CEP112: variants seen among roughly 807,000 people sequenced by gnomAD.
CEP112 encodes centrosomal protein of 112 kDa.
Under a neutral mutation model 153.0 loss-of-function variants are expected in CEP112, and 127 were observed. The observed-to-expected ratio is 0.83, with a 90% CI of 0.72 to 0.96. CEP112 has a LOEUF of 0.96. CEP112 is among the 40% of genes least tolerant of loss of function. CEP112 has a pLI of 0.00. For synonymous variants in CEP112, 358 were observed against 374.4 expected (o/e 0.96, Z 0.51); for missense variants, 1,089 against 1,101.2 (o/e 0.99, Z 0.16).
At chr17:65,971,587 ACATG>A (rs2062822230) in intron 17 of CEP112, among the ~76,000 whole-genome samples, 1 of 151,026 alleles carries the variant, frequency 6.6e-6, no homozygotes, top group African/African-American at 2.5e-5. Flanking sequence ...CATGTATATT[ACATG>A]CATGCATATT....
intron 8 of CEP112, among the ~76,000 whole-genome samples, chr17:66,075,122 A>G (rs951563561): frequency 3.3e-5 from 5 of 152,138 alleles, no homozygotes; most frequent in African/African-American, 1.2e-4. Context: ...TACTAGAAAT[A>G]GTATGTGAGC....
intron 20 of CEP112, among the ~76,000 whole-genome samples, chr17:65,898,249 A>G (rs2059723552): frequency 6.6e-6 from 1 of 152,150 alleles, no homozygotes; most frequent in Non-Finnish European, 1.5e-5. Flanking sequence ...CAGACTATAC[A>G]TATTGTTAAA....
At chr17:66,023,994 G>A (rs2065100028) in intron 16 of CEP112, among the ~76,000 whole-genome samples, 1 of 152,098 alleles carries the variant, frequency 6.6e-6, no homozygotes, top group Non-Finnish European at 1.5e-5. Flanking sequence ...TTTACTCCAG[G>A]GAGGCAAGGA....
intron 4 of CEP112, among the ~76,000 whole-genome samples, chr17:66,152,953 G>C (rs1169372263): frequency 3.9e-5 from 6 of 152,208 alleles, no homozygotes; most frequent in Non-Finnish European, 7.4e-5. Context: ...TTAGTCACTG[G>C]GGGAATGCAA....
At chr17:66,122,584 G>A (rs1009578459) in intron 6 of CEP112, among the ~76,000 whole-genome samples, 1 of 152,186 alleles carries the variant, frequency 6.6e-6, no homozygotes, top group Admixed American at 6.5e-5. Context: ...CACCTGTGAT[G>A]ACAGTGGATT....
At chr17:66,168,419 GTGTGTA>G (rs1340269459) in intron 4 of CEP112, among the ~76,000 whole-genome samples, 6 of 143,682 alleles carry the variant, frequency 4.2e-5, no homozygotes, top group Non-Finnish European at 7.9e-5. Flanking sequence ...ATGTGTGTGT[GTGTGTA>G]TATATATGTA....
At chr17:65,744,235 TTTTGTTTGTTTG>T (rs71160503) in intron 22 of CEP112, among the ~76,000 whole-genome samples, 49 of 149,540 alleles carry the variant, frequency 3.3e-4, no homozygotes, top group African/African-American at 6.4e-4. Context: ...TTTTTGTGTT[TTTTGTTTGTTTG>T]TTTGTTTGTT....
chr17:65,937,069 C>T (rs957889588), intron 18 of CEP112, among the ~76,000 whole-genome samples: 6 of 149,322 alleles, frequency 4.0e-5, no homozygotes, highest in East Asian at 4.2e-4. Flanking sequence ...CCGCCAGCCT[C>T]GGCCTCCCGA....
At chr17:65,792,883 A>T (rs2054674274) in intron 21 of CEP112, among the ~76,000 whole-genome samples, 1 of 152,224 alleles carries the variant, frequency 6.6e-6, no homozygotes, top group Non-Finnish European at 1.5e-5. Flanking sequence ...TATACCAAAG[A>T]TTATATAACT....
intron 21 of CEP112, among the ~76,000 whole-genome samples, chr17:65,838,005 T>C (rs1291084460): frequency 6.6e-6 from 1 of 152,084 alleles, no homozygotes; most frequent in Non-Finnish European, 1.5e-5. Context: ...TTCACATGTT[T>C]ATCTGCTGAC....
chr17:65,724,616 T>A (rs532375727), intron 23 of CEP112, among the ~76,000 whole-genome samples: 1 of 152,354 alleles, frequency 6.6e-6, no homozygotes, highest in Non-Finnish European at 1.5e-5. Flanking sequence ...TTTCTAGAAA[T>A]GTTTACACAC....
intron 12 of CEP112, among the ~76,000 whole-genome samples, chr17:66,052,234 T>G (rs1024524602): frequency 1.2e-4 from 19 of 152,174 alleles, no homozygotes; most frequent in Admixed American, 7.2e-4. Flanking sequence ...CATAGTAAAT[T>G]GAGGAGCATC....
intron 20 of CEP112, 118 bp downstream of exon 20, chr17:65,902,034 T>C: frequency 2.3e-6 from 1 of 434,880 alleles, no homozygotes; most frequent in Non-Finnish European, 3.9e-6. Flanking sequence ...ATCACATTTA[T>C]ATGTCAGTTT....
chr17:65,752,453 G>C (rs1247855726), intron 21 of CEP112, among the ~76,000 whole-genome samples: 5 of 152,182 alleles, frequency 3.3e-5, no homozygotes, highest in South Asian at 2.1e-4. Flanking sequence ...CTGATGGCCA[G>C]TATTTTCAGA....
intron 6 of CEP112, among the ~76,000 whole-genome samples, chr17:66,122,600 G>A (rs1337351092): frequency 3.3e-5 from 5 of 152,136 alleles, no homozygotes; most frequent in Non-Finnish European, 7.4e-5. Context: ...GGATTTAGCA[G>A]GGCTCCTCTG....
intron 12 of CEP112, among the ~76,000 whole-genome samples, chr17:66,042,856 T>C (rs1274833972): frequency 6.6e-6 from 1 of 152,138 alleles, no homozygotes; most frequent in Non-Finnish European, 1.5e-5. Context: ...AAAAAGTGTC[T>C]ATTTTTAAAT....
At chr17:65,655,951 G>A (rs1011832041) in intron 24 of CEP112, among the ~76,000 whole-genome samples, 1 of 152,204 alleles carries the variant, frequency 6.6e-6, no homozygotes, top group African/African-American at 2.4e-5. Context: ...CAAGACACAT[G>A]TAGCGGAGAT....
chr17:65,717,386 G>A (rs993462958), intron 23 of CEP112, among the ~76,000 whole-genome samples: 3 of 152,094 alleles, frequency 2.0e-5, no homozygotes, highest in Admixed American at 6.5e-5. Context: ...AGAAGATTCC[G>A]CCCCTCACCC....
intron 24 of CEP112, among the ~76,000 whole-genome samples, chr17:65,667,181 C>T (rs2046737268): frequency 6.6e-6 from 1 of 152,058 alleles, no homozygotes; most frequent in Non-Finnish European, 1.5e-5. Context: ...ATTAGTGCCA[C>T]CTTCTTTGTA....
Sources: allele counts gnomAD v4.1 joint callset (sites outside exome capture counted in the v4.1 genomes callset), GRCh38; gene constraint gnomAD v4.1.1; transcripts MANE v1.5; gene names NCBI Gene and HGNC (gene_info 2026-07-23, HGNC 2026-07-21).